TC2N: variants seen among roughly 807,000 people sequenced by gnomAD.
The protein encoded by TC2N is tandem C2 domains nuclear protein.
A neutral mutation model predicts 61.9 loss-of-function variants in TC2N; 51 were observed. The observed-to-expected ratio is 0.82, with a 90% CI of 0.66 to 1.04. The LOEUF (loss-of-function observed/expected upper bound fraction) is 1.04, where lower values mean the gene tolerates loss of function less well. TC2N is among the 50% of genes least tolerant of loss of function. The pLI is 0.00. For missense variants in TC2N, 556 were observed against 566.7 expected (o/e 0.98, Z 0.19); for synonymous variants, 204 against 192.6 (o/e 1.06, Z -0.49).
intron 9 of TC2N, among the ~76,000 whole-genome samples, chr14:91,790,245 A>C (rs1036234913): frequency 5.3e-5 from 8 of 152,248 alleles, no homozygotes; most frequent in Admixed American, 2.6e-4. Context: ...GTAATTATTT[A>C]CATTACTATT....
At chr14:91,793,554 T>C (rs558120933) in intron 8 of TC2N, among the ~76,000 whole-genome samples, 1 of 152,368 alleles carries the variant, frequency 6.6e-6, no homozygotes, top group East Asian at 1.9e-4. Context: ...TTGGTAATTC[T>C]CATAATAGTT....
At chr14:91,786,134 A>C (rs926754802) in intron 10 of TC2N, among the ~76,000 whole-genome samples, 3 of 152,160 alleles carry the variant, frequency 2.0e-5, no homozygotes, top group Admixed American at 2.0e-4. Flanking sequence ...CTGAGATCCG[A>C]CCGTCAGATT....
intron 1 of TC2N, among the ~76,000 whole-genome samples, chr14:91,852,123 A>T (rs779182358): frequency 6.6e-6 from 1 of 152,218 alleles, no homozygotes; most frequent in East Asian, 1.9e-4. Context: ...AGCAATAGGC[A>T]TACTCTATTG....
rs894618133 is a variant in TC2N at position 91,782,176 on chromosome 14, T to C, written c.*924A>G. 6.6e-6 allele frequency: 1 copy of C among 152,030 alleles called. No individual in the cohort carries two copies. Among genetic ancestry groups the C allele is most frequent in the Non-Finnish European group, 1.5e-5 (1 of 67,902 alleles). The allele number at this position is 152,030 out of a possible 1,614,324, so 9.4% of individuals were successfully genotyped here. ...GAAAACTGCAATAGAAAATATTTGT[T>C]ACACAGTATAATCAGGTATGGTTAT... On this transcript the variant is annotated 3_prime_UTR_variant, in exon 12 of 12. Transcript: ENST00000435962.
chr14:91,800,601 C>T (rs1886183227), intron 4 of TC2N, among the ~76,000 whole-genome samples: 1 of 151,934 alleles, frequency 6.6e-6, no homozygotes, highest in Non-Finnish European at 1.5e-5. Flanking sequence ...TTTTCACATC[C>T]ACATCAATTA....
At chr14:91,815,875 T>C (rs1886981703) in intron 1 of TC2N, among the ~76,000 whole-genome samples, 1 of 151,704 alleles carries the variant, frequency 6.6e-6, no homozygotes, top group African/African-American at 2.4e-5. Context: ...GTATCTGTAA[T>C]GAATGGTAAC....
chr14:91,852,345 C>T (rs761609707), intron 1 of TC2N, among the ~76,000 whole-genome samples: 50 of 151,992 alleles, frequency 3.3e-4, no homozygotes, highest in African/African-American at 1.2e-3. Context: ...GTAGGAGAAT[C>T]GCTTGAACCC....
chr14:91,797,453 G>A (rs1487778404), intron 8 of TC2N, among the ~76,000 whole-genome samples: 1 of 151,880 alleles, frequency 6.6e-6, no homozygotes, highest in African/African-American at 2.4e-5. Context: ...TTGCAATCAT[G>A]AATTTATTTT....
intron 1 of TC2N, among the ~76,000 whole-genome samples, chr14:91,818,945 A>AG (rs953028456): frequency 7.3e-5 from 11 of 149,984 alleles, no homozygotes; most frequent in African/African-American, 2.7e-4. Context: ...GACTGGGGAT[A>AG]GGGGGGAGGG....
intron 1 of TC2N, among the ~76,000 whole-genome samples, chr14:91,858,603 A>T (rs998910066): frequency 6.6e-6 from 1 of 152,174 alleles, no homozygotes; most frequent in Non-Finnish European, 1.5e-5. Context: ...TCATTAGCAA[A>T]TGACTCTGCT....
chr14:91,802,533 T>C (rs1330947124), intron 3 of TC2N, 112 bp from the exon 4 acceptor site: 1 of 888,014 alleles, frequency 1.1e-6, no homozygotes, highest in Non-Finnish European at 1.7e-6. Flanking sequence ...TAATACTAAA[T>C]CACATGTCTT....
chr14:91,800,770 A>G (rs1239808543), intron 4 of TC2N, among the ~76,000 whole-genome samples: 1 of 151,994 alleles, frequency 6.6e-6, no homozygotes, highest in South Asian at 2.1e-4. Context: ...ATGTGCTCCT[A>G]TATTTCTAGT....
At chr14:91,803,556 T>C (rs1283352257) in intron 3 of TC2N, among the ~76,000 whole-genome samples, 5 of 151,980 alleles carry the variant, frequency 3.3e-5, no homozygotes, top group African/African-American at 1.2e-4. Context: ...GGGTTCAAGC[T>C]ATTCTCCTGC....
chr14:91,804,233 G>C (rs1393538125), intron 3 of TC2N, among the ~76,000 whole-genome samples: 3 of 152,190 alleles, frequency 2.0e-5, no homozygotes, highest in Non-Finnish European at 4.4e-5. Context: ...ATCATACTCT[G>C]CTAGTGGAAA....
At chr14:91,828,142 T>C (rs950352310) in intron 1 of TC2N, among the ~76,000 whole-genome samples, 8 of 152,186 alleles carry the variant, frequency 5.3e-5, no homozygotes, top group Non-Finnish European at 8.8e-5. Flanking sequence ...AGTGAAGGTA[T>C]GTTGGTAGAA....
intron 1 of TC2N, among the ~76,000 whole-genome samples, chr14:91,820,436 G>A (rs1158693983): frequency 1.3e-5 from 2 of 151,538 alleles, no homozygotes; most frequent in African/African-American, 2.4e-5. Flanking sequence ...TAAAAATACT[G>A]AGAATAGAAG....
intron 1 of TC2N, among the ~76,000 whole-genome samples, chr14:91,844,043 C>A (rs555870691): frequency 8.1e-6 from 1 of 123,184 alleles, no homozygotes; most frequent in Admixed American, 8.9e-5. Flanking sequence ...ACATTTTTAC[C>A]AGAAGAAAGG....
At position 91,802,278 on chromosome 14, in the gene TC2N, C is replaced by A; in HGVS notation, c.445G>T (p.Glu149Ter). 1 of 1,597,594 alleles carries A rather than the reference C, an allele frequency of 6.3e-7. No homozygotes were observed. Among genetic ancestry groups the A allele is most frequent in the Admixed American group, 1.8e-5 (1 of 56,718 alleles). Residue 149 changes from glutamate to a stop codon, truncating the protein, a stop_gained, in exon 4 of 12, where the codon GAA becomes TAA. Transcript: ENST00000435962. LOFTEE classifies it high-confidence loss of function. ...CCCGATCCATACAGTCTCTTCACTT[C>A]TGAACGGGGAGGAAAGCGTCGACTC... is the stretch of plus-strand genomic sequence containing the variant. ...DLSRRFPPRSEVKRLYGSVCD... is the reference protein window; with the variant it reads ...DLSRRFPPRS
intron 4 of TC2N, among the ~76,000 whole-genome samples, chr14:91,800,648 C>T (rs377057904): frequency 2.0e-5 from 3 of 152,178 alleles, no homozygotes; most frequent in Middle Eastern, 3.4e-3. Flanking sequence ...TTACATTCCC[C>T]ATTCCTTGAT....
Sources: gnomAD v4.1 joint callset for allele counts (sites outside exome capture counted in the v4.1 genomes callset) on GRCh38, gnomAD v4.1.1 for gene constraint, MANE v1.5 for transcripts, NCBI Gene and HGNC (gene_info 2026-07-23, HGNC 2026-07-21) for gene names.